DIS3L2: variants seen among roughly 807,000 people sequenced by gnomAD.
DIS3L2 encodes DIS3-like exonuclease 2.
DIS3L2 carries 34 observed loss-of-function variants against 97.5 expected under a neutral mutation model. The observed-to-expected ratio is 0.35, with a 90% CI of 0.27 to 0.46. DIS3L2 has a LOEUF of 0.46. DIS3L2 is among the 20% of genes least tolerant of loss of function. The probability of loss-of-function intolerance (pLI) is 1.00; values close to 1 mark genes in which losing one functional copy is unlikely to be tolerated. For synonymous variants in DIS3L2, 435 were observed against 445.2 expected (o/e 0.98, Z 0.29); for missense variants, 1,038 against 1,146.0 (o/e 0.91, Z 1.36).
chr2:232,235,858 G>A (rs1454341400), intron 10 of DIS3L2, among the ~76,000 whole-genome samples: 3 of 152,142 alleles, frequency 2.0e-5, no homozygotes, highest in African/African-American at 7.2e-5. Context: ...TCAGTTCCTC[G>A]ATCGCAGGGC....
chr2:232,004,903 C>T (rs991988542), intron 1 of DIS3L2, among the ~76,000 whole-genome samples: 2 of 152,198 alleles, frequency 1.3e-5, no homozygotes, highest in South Asian at 2.1e-4. Flanking sequence ...TTTTTAAGTA[C>T]GTTTTTATTT....
At position 232,282,404 on chromosome 2, in the gene DIS3L2, T is replaced by A. The variant is rs2106302689; in HGVS notation, c.1660-17636T>A. On this transcript the variant is annotated intron_variant, in intron 13 of 20. Coordinates refer to ENST00000325385, the MANE Select transcript of DIS3L2 (RefSeq NM_152383.5). ...CCACTTTCAATAAATCATGAAGGAT[T>A]CTGAATGCCTGGTTTTGTCCCATTT... Among the ~76,000 whole-genome samples the A allele has an allele frequency of 3.3e-5, 5 of 152,266 alleles. No individual in the cohort carries two copies. In the South Asian group the frequency reaches 1.0e-3, roughly 32 times the overall value.
intron 7 of DIS3L2, among the ~76,000 whole-genome samples, chr2:232,135,898 T>G (rs940409610): frequency 6.6e-6 from 1 of 152,092 alleles, no homozygotes; most frequent in African/African-American, 2.4e-5. Flanking sequence ...AAGACTCACT[T>G]TCTCAGAGAA....
intron 9 of DIS3L2, among the ~76,000 whole-genome samples, chr2:232,182,140 C>G (rs911012242): frequency 2.6e-5 from 4 of 152,096 alleles, no homozygotes; most frequent in Non-Finnish European, 5.9e-5. Flanking sequence ...ATTTTGTTTT[C>G]ATTTATATCT....
intron 8 of DIS3L2, among the ~76,000 whole-genome samples, chr2:232,157,261 G>A (rs1038238474): frequency 4.6e-4 from 70 of 152,246 alleles, no homozygotes; most frequent in African/African-American, 1.6e-3. Context: ...AATATTTTAT[G>A]TGTGGGTCTT....
chr2:232,139,986 T>C (rs1698466282), intron 8 of DIS3L2, among the ~76,000 whole-genome samples: 1 of 152,140 alleles, frequency 6.6e-6, no homozygotes, highest in South Asian at 2.1e-4. Context: ...GGGCTCTGAC[T>C]AGGGGGAGTG....
intron 16 of DIS3L2, 76 bp from the exon 17 acceptor site, chr2:232,333,764 T>C (rs1695843390): frequency 4.0e-5 from 58 of 1,444,424 alleles, no homozygotes; most frequent in Admixed American, 2.3e-4. Context: ...ACGGTGAGGC[T>C]GTGGGTGGTG....
At chr2:232,220,366 A>G (rs181562869) in intron 10 of DIS3L2, among the ~76,000 whole-genome samples, 9 of 151,974 alleles carry the variant, frequency 5.9e-5, no homozygotes, top group Middle Eastern at 3.4e-3. Flanking sequence ...AAACAAACAA[A>G]CACCAAGTAT....
intron 6 of DIS3L2, among the ~76,000 whole-genome samples, chr2:232,114,850 T>C (rs773522431): frequency 6.6e-6 from 1 of 152,162 alleles, no homozygotes; most frequent in Non-Finnish European, 1.5e-5. Context: ...TGAAACTGGG[T>C]AATTTATTAT....
intron 4 of DIS3L2, among the ~76,000 whole-genome samples, chr2:232,026,091 C>T (rs1267116209): frequency 6.6e-6 from 1 of 152,090 alleles, no homozygotes; most frequent in Non-Finnish European, 1.5e-5. Context: ...TCCTCTCTTC[C>T]CTGATAACAC....
chr2:231,977,661 A>G (rs1693135968), intron 1 of DIS3L2, among the ~76,000 whole-genome samples: 1 of 152,210 alleles, frequency 6.6e-6, no homozygotes, highest in Non-Finnish European at 1.5e-5. Context: ...CTTGAACTCA[A>G]AACTACCCAC....
chr2:232,317,456 A>G (rs1695306810), intron 14 of DIS3L2, among the ~76,000 whole-genome samples: 1 of 152,108 alleles, frequency 6.6e-6, no homozygotes, highest in African/African-American at 2.4e-5. Context: ...GGTAGAAGGT[A>G]GGCAGAGTCT....
intron 9 of DIS3L2, among the ~76,000 whole-genome samples, chr2:232,201,949 G>GT (rs1559729978): frequency 6.6e-6 from 1 of 152,176 alleles, no homozygotes. Flanking sequence ...TTTCCTGAAA[G>GT]TTTAACATTC....
chr2:232,087,150 T>C (rs1696685273), intron 5 of DIS3L2, among the ~76,000 whole-genome samples: 1 of 152,188 alleles, frequency 6.6e-6, no homozygotes, highest in Admixed American at 6.5e-5. Context: ...TAATTGTTCC[T>C]ATATGGTGAG....
At chr2:232,166,224 A>C (rs1193004234) in intron 9 of DIS3L2, among the ~76,000 whole-genome samples, 2 of 151,994 alleles carry the variant, frequency 1.3e-5, no homozygotes, top group Non-Finnish European at 2.9e-5. Flanking sequence ...ATGCCGCTAC[A>C]CTCCAGCCTG....
chr2:232,227,317 A>G (rs1365585774), intron 10 of DIS3L2, among the ~76,000 whole-genome samples: 1 of 152,240 alleles, frequency 6.6e-6, no homozygotes, highest in Non-Finnish European at 1.5e-5. Flanking sequence ...GCGAGTCTCC[A>G]TAATGCAGTG....
intron 14 of DIS3L2, among the ~76,000 whole-genome samples, chr2:232,307,370 A>C (rs1695013950): frequency 6.6e-6 from 1 of 152,226 alleles, no homozygotes; most frequent in Non-Finnish European, 1.5e-5. Context: ...GATTATCATG[A>C]TGATTAAATT....
chr2:232,206,201 A>T (rs780557433), intron 9 of DIS3L2, among the ~76,000 whole-genome samples: 5 of 152,230 alleles, frequency 3.3e-5, no homozygotes, highest in Non-Finnish European at 7.3e-5. Context: ...AGAACTGTTG[A>T]TACCGGCATA....
At chr2:232,134,827 C>T (rs1222837422) in intron 7 of DIS3L2, among the ~76,000 whole-genome samples, 3 of 149,582 alleles carry the variant, frequency 2.0e-5, no homozygotes, top group Admixed American at 1.3e-4. Flanking sequence ...GCAAGGTCTC[C>T]AAGAAAAAAA....
Sources: allele counts gnomAD v4.1 joint callset (sites outside exome capture counted in the v4.1 genomes callset), GRCh38; gene constraint gnomAD v4.1.1; transcripts MANE v1.5; gene names NCBI Gene and HGNC (gene_info 2026-07-23, HGNC 2026-07-21).